The following MCHR2 variants were observed in gnomAD, a reference collection of about 807,000 sequenced individuals.
MCHR2 encodes the protein melanin concentrating hormone receptor 2.
A neutral mutation model predicts 24.8 loss-of-function variants in MCHR2; 15 were observed. That is an observed-to-expected ratio of 0.60 (90% CI 0.40 to 0.93). The LOEUF (loss-of-function observed/expected upper bound fraction) is 0.93, where lower values mean the gene tolerates loss of function less well. MCHR2 is among the 40% of genes least tolerant of loss of function. The pLI, the probability that MCHR2 is intolerant of heterozygous loss-of-function variation, is 0.00. For missense variants in MCHR2, 386 were observed against 408.7 expected, an observed-to-expected ratio of 0.94 and a Z score of 0.48; for synonymous variants, 151 against 147.6, an observed-to-expected ratio of 1.02 and a Z score of -0.17.
At chr6:99,980,886 A>G (rs1775656820) in intron 1 of MCHR2, among the ~76,000 whole-genome samples, 1 of 152,200 alleles carries the variant, frequency 6.6e-6, no homozygotes. Flanking sequence ...CAGACACCAC[A>G]ATCCCAGAAG....
intron 1 of MCHR2, among the ~76,000 whole-genome samples, chr6:99,962,343 T>G (rs1562128472): frequency 6.6e-6 from 1 of 152,158 alleles, no homozygotes; most frequent in Non-Finnish European, 1.5e-5. Context: ...ATTTAAAACT[T>G]ATGAATTGTT....
chr6:99,984,418 G>A (rs997505752), intron 1 of MCHR2, among the ~76,000 whole-genome samples: 30 of 24,204 alleles, frequency 1.2e-3, no homozygotes, highest in South Asian at 1.7e-3. Flanking sequence ...CCCCACCCCC[G>A]TCTTTTTGTT....
At chr6:99,960,536 C>T (rs1241229258) in intron 1 of MCHR2, among the ~76,000 whole-genome samples, 3 of 152,102 alleles carry the variant, frequency 2.0e-5, no homozygotes, top group Non-Finnish European at 4.4e-5. Flanking sequence ...CAATCCTAGG[C>T]AAAAGGAACA....
At chr6:99,930,173 T>G (rs1310238954) in intron 5 of MCHR2, among the ~76,000 whole-genome samples, 5 of 152,184 alleles carry the variant, frequency 3.3e-5, no homozygotes, top group Non-Finnish European at 7.3e-5. Context: ...GGCCCTCACT[T>G]TCTCCTGGCT....
chr6:99,982,059 T>G (rs1775678890), intron 1 of MCHR2, among the ~76,000 whole-genome samples: 1 of 152,150 alleles, frequency 6.6e-6, no homozygotes. Context: ...GATACTGATT[T>G]CACATCTCCC....
intron 5 of MCHR2, among the ~76,000 whole-genome samples, chr6:99,931,275 C>A (rs529812516): frequency 2.6e-5 from 4 of 152,294 alleles, no homozygotes; most frequent in African/African-American, 9.6e-5. Flanking sequence ...TTAGGCTGCT[C>A]GGGGGTCAGG....
At chr6:99,956,562 A>G (rs557183301) in intron 1 of MCHR2, among the ~76,000 whole-genome samples, 2 of 152,112 alleles carry the variant, frequency 1.3e-5, no homozygotes, top group Non-Finnish European at 2.9e-5. Context: ...ATGTTGTTAA[A>G]TATATCCTCT....
At chr6:99,931,717 C>T (rs1414961015) in intron 5 of MCHR2, among the ~76,000 whole-genome samples, 1 of 152,116 alleles carries the variant, frequency 6.6e-6, no homozygotes, top group Non-Finnish European at 1.5e-5. Flanking sequence ...TGGGAGTGAC[C>T]CGATTTTCCA....
chr6:99,959,309 G>A (rs927571825), intron 1 of MCHR2, among the ~76,000 whole-genome samples: 13 of 151,964 alleles, frequency 8.6e-5, no homozygotes, highest in African/African-American at 3.1e-4. Context: ...AGACACACAT[G>A]TCCAGAGGAG....
chr6:99,947,214 T>C (rs557771234), intron 3 of MCHR2, among the ~76,000 whole-genome samples: 2 of 152,274 alleles, frequency 1.3e-5, no homozygotes, highest in African/African-American at 4.8e-5. Flanking sequence ...TTGTAAAAGA[T>C]GATCTCCCTG....
chr6:99,986,530 T>G (rs1375195029), intron 1 of MCHR2, among the ~76,000 whole-genome samples: 1 of 152,160 alleles, frequency 6.6e-6, no homozygotes, highest in Non-Finnish European at 1.5e-5. Flanking sequence ...GCAACATAGA[T>G]GGAACTGGAG....
chr6:99,969,473 C>CAAAAAAAAAA (rs1214316677), intron 1 of MCHR2, among the ~76,000 whole-genome samples: 1 of 76,830 alleles, frequency 1.3e-5, no homozygotes, highest in African/African-American at 4.9e-5. Context: ...GACTCCATCT[C>CAAAAAAAAAA]AAAAAAAAAA....
Position 99,920,716 on chromosome 6 carries a change from G to A in MCHR2, c.*224C>T. On this transcript the variant is annotated 3_prime_UTR_variant, in exon 6 of 6. Transcript: ENST00000281806. Reference sequence around the variant, plus strand: ...ACCATCATGAAGCCTGGGTATCTCAGACTATCCCATTCCCTACCCACAATA... The same window carrying A: ...ACCATCATGAAGCCTGGGTATCTCAAACTATCCCATTCCCTACCCACAATA... The A allele has an allele frequency of 1.9e-6, 1 of 520,730 alleles. No individual in the cohort carries two copies. Among genetic ancestry groups the A allele is most frequent in the Non-Finnish European group, 3.4e-6 (1 of 290,258 alleles). 32.3% of individuals were successfully genotyped at this position (520,730 alleles called of 1,614,324 possible). A position where few individuals can be genotyped will look rare whatever the true frequency, so the allele number is the denominator to read the frequency against.
At chr6:99,952,319 G>A (rs1266999241) in intron 2 of MCHR2, among the ~76,000 whole-genome samples, 4 of 151,978 alleles carry the variant, frequency 2.6e-5, no homozygotes, top group African/African-American at 7.3e-5. Context: ...TTTAAAAAAA[G>A]GCACATAGAA....
chr6:99,938,458 A>G (rs1036010984), intron 4 of MCHR2, among the ~76,000 whole-genome samples: 1 of 152,052 alleles, frequency 6.6e-6, no homozygotes, highest in Non-Finnish European at 1.5e-5. Flanking sequence ...TGACCCACTA[A>G]TCATTCAGGA....
intron 1 of MCHR2, among the ~76,000 whole-genome samples, chr6:99,963,684 A>G (rs762308403): frequency 6.6e-6 from 1 of 152,138 alleles, no homozygotes; most frequent in Non-Finnish European, 1.5e-5. Flanking sequence ...ATAATAAGAA[A>G]TGCATGTAGA....
intron 1 of MCHR2, among the ~76,000 whole-genome samples, chr6:99,958,419 A>G (rs1241295506): frequency 6.6e-6 from 1 of 152,018 alleles, no homozygotes; most frequent in Non-Finnish European, 1.5e-5. Context: ...ATGTGACTTA[A>G]AAACAAATGT....
At chr6:99,992,038 A>T (rs1207081736) in intron 1 of MCHR2, among the ~76,000 whole-genome samples, 1 of 152,222 alleles carries the variant, frequency 6.6e-6, no homozygotes, top group Non-Finnish European at 1.5e-5. Flanking sequence ...GAGATGAGTA[A>T]ATTGGAGGCT....
chr6:99,926,329 T>C (rs1179384825), intron 5 of MCHR2, among the ~76,000 whole-genome samples: 8 of 152,180 alleles, frequency 5.3e-5, no homozygotes, highest in Non-Finnish European at 1.2e-4. Flanking sequence ...GCATGATTTA[T>C]AGTCCTTTGG....
Sources: allele counts gnomAD v4.1 joint callset (sites outside exome capture counted in the v4.1 genomes callset), GRCh38; gene constraint gnomAD v4.1.1; transcripts MANE v1.5; gene names NCBI Gene and HGNC (gene_info 2026-07-23, HGNC 2026-07-21).